TNFRSF1B: variants seen among roughly 807,000 people sequenced by gnomAD.
TNFRSF1B encodes TNF receptor superfamily member 1B.
A neutral mutation model predicts 44.6 loss-of-function variants in TNFRSF1B; 19 were observed. The observed-to-expected ratio is 0.43, with a 90% confidence interval of 0.30 to 0.62. The LOEUF (loss-of-function observed/expected upper bound fraction) is 0.62. Among genes scored for constraint, TNFRSF1B ranks in the 20% least tolerant of loss-of-function variants. The pLI is 0.16. For synonymous variants in TNFRSF1B, 252 were observed against 261.1 expected (o/e 0.97, Z 0.34); for missense variants, 541 against 619.9 (o/e 0.87, Z 1.35).
chr1:12,189,157 C>A lies in TNFRSF1B; in HGVS notation c.178+262C>A, dbSNP rs74053356. 8.0e-3 allele frequency among the ~76,000 whole-genome samples: 1,221 copies of A among 152,320 alleles called. 18 individuals are homozygous for A. Among genetic ancestry groups the A allele is most frequent in the African/African-American group, 0.027 (1,116 of 41,562 alleles). Reference sequence around the variant, plus strand: ...CCCCTCTTCCAGGAAGGCTGCCTGCCCCATACTGCCCAGCCGGTGGAGGAG... The same window carrying A: ...CCCCTCTTCCAGGAAGGCTGCCTGCACCATACTGCCCAGCCGGTGGAGGAG... On this transcript the variant is annotated intron_variant, in intron 2 of 9. Coordinates refer to ENST00000376259, the MANE Select transcript of TNFRSF1B (RefSeq NM_001066.3).
intron 1 of TNFRSF1B, chr1:12,167,498 G>T: frequency 2.3e-6 from 1 of 434,118 alleles, no homozygotes; most frequent in East Asian, 6.2e-5. Flanking sequence ...GCAGACCCCC[G>T]CTAGACCCGG....
At chr1:12,190,690 G>A (rs1639095773) in intron 2 of TNFRSF1B, among the ~76,000 whole-genome samples, 1 of 152,094 alleles carries the variant, frequency 6.6e-6, no homozygotes, top group African/African-American at 2.4e-5. Flanking sequence ...TTACTAAAGT[G>A]TGATTGACTG....
At chr1:12,193,194 G>A (rs950690531) in intron 6 of TNFRSF1B, 96 bp downstream of exon 6, 1 of 1,160,416 alleles carries the variant, frequency 8.6e-7, no homozygotes, top group Non-Finnish European at 1.3e-6. Context: ...AGAGCCCACG[G>A]GGGGCTGGAC....
chr1:12,202,275 C>T (rs894198412), intron 9 of TNFRSF1B, 104 bp downstream of exon 9: 64 of 1,464,368 alleles, frequency 4.4e-5, no homozygotes, highest in South Asian at 8.1e-5. Context: ...CAGGGTGGGA[C>T]GAGGCCTGAG....
At chr1:12,175,216 CAG>C (rs1392467638) in intron 1 of TNFRSF1B, among the ~76,000 whole-genome samples, 5 of 152,230 alleles carry the variant, frequency 3.3e-5, no homozygotes, top group Non-Finnish European at 5.9e-5. Context: ...GGCTGGGAGT[CAG>C]GGGTCTGAGG....
intron 8 of TNFRSF1B, 90 bp downstream of exon 8, chr1:12,194,708 T>G: frequency 6.6e-7 from 1 of 1,512,496 alleles, no homozygotes; most frequent in Non-Finnish European, 9.2e-7. Flanking sequence ...AATTCTGTCA[T>G]TGGTCTGTCC....
intron 1 of TNFRSF1B, among the ~76,000 whole-genome samples, chr1:12,175,944 G>A (rs1638645401): frequency 6.6e-6 from 1 of 152,140 alleles, no homozygotes; most frequent in Non-Finnish European, 1.5e-5. Flanking sequence ...GCCGGGCACG[G>A]TGGCTCACGC....
chr1:12,191,759 C>A lies in TNFRSF1B; in HGVS notation c.308-15C>A, dbSNP rs1355726397. ...GAGGCAGGCGTGACCGTTTGCCGCCCTCTCGCTGCTCTAGACCAGGTGGAA... is the reference window on the plus strand; with the variant it reads ...GAGGCAGGCGTGACCGTTTGCCGCCATCTCGCTGCTCTAGACCAGGTGGAA... On this transcript the variant is annotated splice_polypyrimidine_tract_variant and intron_variant, in intron 3 of 9. Transcript: ENST00000376259. 2 of 1,612,986 alleles carry A rather than the reference C, an allele frequency of 1.2e-6. No individual in the cohort carries two copies. The highest frequency in any genetic ancestry group is 1.3e-5 in the African/African-American group (1 of 75,038).
At chr1:12,189,781 A>C (rs912406464) in intron 2 of TNFRSF1B, among the ~76,000 whole-genome samples, 1 of 152,182 alleles carries the variant, frequency 6.6e-6, no homozygotes, top group African/African-American at 2.4e-5. Context: ...AACGGGACAT[A>C]CTGTTTTACA....
chr1:12,190,773 G>T (rs1390562800), intron 2 of TNFRSF1B, among the ~76,000 whole-genome samples, 184 bp from the exon 3 acceptor site: 1 of 151,922 alleles, frequency 6.6e-6, no homozygotes, highest in African/African-American at 2.4e-5. Context: ...GAGCAGAAGG[G>T]GTTCAGAAAT....
chr1:12,191,950 G>A, intron 4 of TNFRSF1B, 27 bp downstream of exon 4: 1 of 1,599,510 alleles, frequency 6.3e-7, no homozygotes, highest in African/African-American at 1.3e-5. Context: ...AGGTCCTTGG[G>A]GACGCCCATG....
chr1:12,196,933 C>T (rs1262801514), intron 8 of TNFRSF1B, among the ~76,000 whole-genome samples: 3 of 146,664 alleles, frequency 2.0e-5, no homozygotes, highest in African/African-American at 7.5e-5. Context: ...CTCTGCTTCC[C>T]TTTTCCATTT....
In TNFRSF1B at chr1:12,202,007, C is replaced by T. The variant is rs547631013; in HGVS notation, c.941C>T (p.Pro314Leu). 2.5e-6 allele frequency: 4 copies of T among 1,613,074 alleles called. No homozygotes were observed. Among genetic ancestry groups the T allele is most frequent in the East Asian group, 4.5e-5 (2 of 44,862 alleles). Reference sequence around the variant, plus strand: ...GATAAGGCCCGGGGTACACAGGGCCCCGAGCAGCAGCACCTGCTGATCACA... The same window carrying T: ...GATAAGGCCCGGGGTACACAGGGCCTCGAGCAGCAGCACCTGCTGATCACA... ...PADKARGTQG[P>L]EQQHLLITAP... The change falls in exon 9 of 10, where the codon CCC becomes CTC. Residue 314 changes from proline (P) to leucine (L), a missense_variant. Pro to Leu is a moderately conservative substitution (Grantham distance 98). Coordinates refer to ENST00000376259, the MANE Select transcript of TNFRSF1B (RefSeq NM_001066.3).
At chr1:12,193,737 A>G (rs1639203791) in intron 6 of TNFRSF1B, among the ~76,000 whole-genome samples, 1 of 152,194 alleles carries the variant, frequency 6.6e-6, no homozygotes, top group Admixed American at 6.5e-5. Context: ...ATTCTGGGGT[A>G]GAACTGCATC....
chr1:12,167,214 C>T, intron 1 of TNFRSF1B, 45 bp downstream of exon 1: 2 of 1,225,252 alleles, frequency 1.6e-6, no homozygotes, highest in Non-Finnish European at 2.1e-6. Context: ...CCCCGCATGT[C>T]CACCCGGCTG....
Position 12,191,885 on chromosome 1 carries a change from T to G in TNFRSF1B, c.419T>G (p.Leu140Arg). The G allele has an allele frequency of 1.9e-6, 3 of 1,610,268 alleles. No homozygotes were observed. The highest frequency in any genetic ancestry group is 2.5e-6 in the Non-Finnish European group (3 of 1,178,798). Residue 140 changes from leucine to arginine, a missense_variant, in exon 4 of 10, where the codon CTG becomes CGG. Transcript: ENST00000376259. ...GAGGGGTGCCGGCTGTGCGCGCCGC[T>G]GCGCAAGTGCCGCCCGGGCTTCGGC... is the stretch of plus-strand genomic sequence containing the variant. Reference protein sequence around the residue: ...KQEGCRLCAPLRKCRPGFGVA... With the variant: ...KQEGCRLCAPRRKCRPGFGVA...
At chr1:12,197,487 C>G (rs1166825928) in intron 8 of TNFRSF1B, among the ~76,000 whole-genome samples, 1 of 152,226 alleles carries the variant, frequency 6.6e-6, no homozygotes, top group East Asian at 1.9e-4. Flanking sequence ...ACAGCCCTGG[C>G]TGAGCCCTGC....
rs1048549721 is a variant in TNFRSF1B at position 12,185,633 on chromosome 1, C to T, written c.79-3163C>T. 9.2e-5 allele frequency among the ~76,000 whole-genome samples: 14 copies of T among 152,322 alleles called. 1 individual carries two copies. The South Asian group carries it at 1.9e-3, about 20-fold the overall frequency. ...GTTATGCAGCATGGTTCCCACTGCC[C>T]GTGCCCAGAATTCACCATAGCTGAT... On this transcript the variant is annotated intron_variant, in intron 1 of 9. Coordinates refer to ENST00000376259, the MANE Select transcript of TNFRSF1B (RefSeq NM_001066.3).
intron 1 of TNFRSF1B, among the ~76,000 whole-genome samples, chr1:12,172,877 T>C (rs1034458987): frequency 2.0e-5 from 3 of 152,084 alleles, no homozygotes; most frequent in African/African-American, 7.2e-5. Flanking sequence ...ACAGAGAGAG[T>C]GCACAAGGCT....
Sources: gnomAD v4.1 joint callset for allele counts (sites outside exome capture counted in the v4.1 genomes callset) on GRCh38, gnomAD v4.1.1 for gene constraint, MANE v1.5 for transcripts, NCBI Gene and HGNC (gene_info 2026-07-23, HGNC 2026-07-21) for gene names.